The following RBMS1 variants were observed in gnomAD, a reference collection of about 807,000 sequenced individuals.
RBMS1 encodes RNA binding motif single stranded interacting protein 1, also known as RNA-binding motif, single-stranded-interacting protein 1.
RBMS1 carries 17 observed loss-of-function variants against 62.3 expected under a neutral mutation model. The observed-to-expected ratio is 0.27, with a 90% CI of 0.19 to 0.41. The LOEUF is 0.41. Among genes scored for constraint, RBMS1 ranks in the 10% least tolerant of loss-of-function variants. The probability of loss-of-function intolerance (pLI) is 1.00; values close to 1 mark genes in which losing one functional copy is unlikely to be tolerated. For synonymous variants in RBMS1, 172 were observed against 170.0 expected, an observed-to-expected ratio of 1.01 and a Z score of -0.09; for missense variants, 334 against 504.5, an observed-to-expected ratio of 0.66 and a Z score of 3.24.
intron 2 of RBMS1, among the ~76,000 whole-genome samples, chr2:160,335,600 C>T (rs1488662477): frequency 6.6e-6 from 1 of 152,192 alleles, no homozygotes; most frequent in East Asian, 1.9e-4. Flanking sequence ...GTTCAGGAAG[C>T]ACAGAACAGA....
At chr2:160,474,760 C>T (rs964494058) in intron 1 of RBMS1, among the ~76,000 whole-genome samples, 1 of 152,024 alleles carries the variant, frequency 6.6e-6, no homozygotes, top group Non-Finnish European at 1.5e-5. Flanking sequence ...TTCTTATGAC[C>T]TATTAAAGAC....
chr2:160,436,695 T>C (rs1452058124), intron 1 of RBMS1, among the ~76,000 whole-genome samples: 1 of 152,248 alleles, frequency 6.6e-6, no homozygotes, highest in African/African-American at 2.4e-5. Flanking sequence ...CTTTCAGCTG[T>C]CCATTTTCAC....
intron 1 of RBMS1, among the ~76,000 whole-genome samples, chr2:160,465,859 CACACAT>C (rs1318580447): frequency 1.1e-5 from 1 of 92,678 alleles, no homozygotes; most frequent in Non-Finnish European, 2.2e-5. Context: ...CACACACACA[CACACAT>C]ACACACACAC....
At chr2:160,485,762 T>C (rs928338672) in intron 1 of RBMS1, among the ~76,000 whole-genome samples, 1 of 151,904 alleles carries the variant, frequency 6.6e-6, no homozygotes, top group Non-Finnish European at 1.5e-5. Context: ...CAAATGATCA[T>C]ATGGAATGAA....
chr2:160,371,816 A>G (rs1693739394), intron 1 of RBMS1, among the ~76,000 whole-genome samples: 1 of 152,126 alleles, frequency 6.6e-6, no homozygotes, highest in African/African-American at 2.4e-5. Flanking sequence ...CTGCATGGAC[A>G]ACACTGATGC....
At chr2:160,427,400 G>A (rs1393933498) in intron 1 of RBMS1, among the ~76,000 whole-genome samples, 1 of 152,054 alleles carries the variant, frequency 6.6e-6, no homozygotes, top group Non-Finnish European at 1.5e-5. Flanking sequence ...AAATAAATGA[G>A]TGAATAGGTA....
At chr2:160,450,627 T>C (rs191545918) in intron 1 of RBMS1, among the ~76,000 whole-genome samples, 3 of 148,944 alleles carry the variant, frequency 2.0e-5, no homozygotes, top group Admixed American at 2.0e-4. Context: ...GTTTTGTAGA[T>C]GTAGATAGAA....
At chr2:160,489,916 C>T (rs1422749969) in intron 1 of RBMS1, among the ~76,000 whole-genome samples, 1 of 151,984 alleles carries the variant, frequency 6.6e-6, no homozygotes, top group East Asian at 1.9e-4. Flanking sequence ...TTGTACTTCC[C>T]TTTCTTCAAA....
At chr2:160,414,657 T>C (rs1696150786) in intron 1 of RBMS1, among the ~76,000 whole-genome samples, 1 of 152,182 alleles carries the variant, frequency 6.6e-6, no homozygotes, top group South Asian at 2.1e-4. Flanking sequence ...TCTGGCATAA[T>C]AGTTAATAAA....
At chr2:160,284,593 A>G (rs1230675153) in intron 9 of RBMS1, 182 bp downstream of exon 9, 1 of 591,652 alleles carries the variant, frequency 1.7e-6, no homozygotes, top group Non-Finnish European at 3.0e-6. Context: ...TTTGCTTTAC[A>G]TTCTCCTATA....
At chr2:160,331,753 A>G (rs1691285940) in intron 2 of RBMS1, among the ~76,000 whole-genome samples, 1 of 152,218 alleles carries the variant, frequency 6.6e-6, no homozygotes, top group Admixed American at 6.5e-5. Context: ...AGGAAGGAAC[A>G]GTTGAAGTTC....
intron 1 of RBMS1, among the ~76,000 whole-genome samples, chr2:160,408,108 A>G (rs963986783): frequency 7.3e-5 from 11 of 151,382 alleles, no homozygotes; most frequent in African/African-American, 2.7e-4. Context: ...CTCTGGTGCA[A>G]TGGTTGGGTC....
Position 160,385,768 on chromosome 2 carries a change from T to A in RBMS1, c.76-18377A>T, listed in dbSNP as rs935135568. 2.0e-5 allele frequency among the ~76,000 whole-genome samples: 3 copies of A among 152,158 alleles called. No homozygotes were observed. The East Asian group carries it at 5.8e-4, about 29-fold the overall frequency. On this transcript the variant is annotated intron_variant, in intron 1 of 13. Transcript: ENST00000348849. Reference sequence around the variant, plus strand: ...AGAGAGAAGAGAATGCAAAAGATCATCCCATCTACATTTTTTGGTAAGATT... The same window carrying A: ...AGAGAGAAGAGAATGCAAAAGATCAACCCATCTACATTTTTTGGTAAGATT...
intron 1 of RBMS1, among the ~76,000 whole-genome samples, chr2:160,462,753 T>A (rs938296876): frequency 6.6e-6 from 1 of 152,016 alleles, no homozygotes; most frequent in East Asian, 1.9e-4. Context: ...GGCACCCCCA[T>A]GCCCAGCTAA....
chr2:160,284,748 C>G, intron 9 of RBMS1, 27 bp downstream of exon 9: 2 of 1,485,542 alleles, frequency 1.3e-6, no homozygotes, highest in Non-Finnish European at 1.9e-6. Context: ...AGTGGTTATA[C>G]TGCTGACGAA....
At chr2:160,485,448 G>T (rs1020681677) in intron 1 of RBMS1, among the ~76,000 whole-genome samples, 5 of 152,152 alleles carry the variant, frequency 3.3e-5, no homozygotes, top group Non-Finnish European at 5.9e-5. Context: ...TGGTTCAATG[G>T]CAGTGTTAGT....
intron 2 of RBMS1, among the ~76,000 whole-genome samples, chr2:160,333,168 T>C (rs1691375279): frequency 6.6e-6 from 1 of 152,000 alleles, no homozygotes; most frequent in Admixed American, 6.6e-5. Flanking sequence ...TGGGCTTTCT[T>C]TGAGATCGAG....
At chr2:160,407,397 T>G (rs1027562531) in intron 1 of RBMS1, 7 of 985,750 alleles carry the variant, frequency 7.1e-6, no homozygotes, top group Non-Finnish European at 8.4e-6. Flanking sequence ...GCGGAGCCCC[T>G]GAGCGCGGCC....
intron 1 of RBMS1, among the ~76,000 whole-genome samples, chr2:160,408,826 G>T (rs1695907919): frequency 6.6e-6 from 1 of 152,336 alleles, no homozygotes; most frequent in South Asian, 2.1e-4. Flanking sequence ...GACTGACAGA[G>T]CCTGCGGTCT....
Sources: allele counts gnomAD v4.1 joint callset (sites outside exome capture counted in the v4.1 genomes callset), GRCh38; gene constraint gnomAD v4.1.1; transcripts MANE v1.5; gene names NCBI Gene and HGNC (gene_info 2026-07-23, HGNC 2026-07-21).